Variants in GABRA5 observed in about 807,000 individuals in gnomAD.
The protein encoded by GABRA5 is gamma-aminobutyric acid receptor subunit alpha-5.
A neutral mutation model predicts 47.3 loss-of-function variants in GABRA5; 18 were observed. The observed-to-expected ratio is 0.38, with a 90% CI of 0.26 to 0.56. The LOEUF (loss-of-function observed/expected upper bound fraction) is 0.56, where lower values mean the gene tolerates loss of function less well. Ranked by LOEUF, GABRA5 falls within the 20% of genes least tolerant of loss-of-function variation. The pLI is 0.71. For synonymous variants in GABRA5, 237 were observed against 229.3 expected, an observed-to-expected ratio of 1.03 and a Z score of -0.30; for missense variants, 365 against 599.3, an observed-to-expected ratio of 0.61 and a Z score of 4.08.
At chr15:26,875,155 G>T (rs899068759) in intron 3 of GABRA5, among the ~76,000 whole-genome samples, 41 of 152,224 alleles carry the variant, frequency 2.7e-4, no homozygotes, top group African/African-American at 9.6e-4. Context: ...TGTGTCAGGG[G>T]AGGGTATGCT....
rs74006527 is a variant in GABRA5 at position 26,880,424 on chromosome 15, A to G, written c.87-422A>G. The G allele has an allele frequency of 7.9e-3, 1,210 of 154,054 alleles. 13 individuals carry two copies. The highest frequency in any genetic ancestry group is 0.027 in the African/African-American group (1,133 of 41,580). 9.5% of individuals were successfully genotyped at this position (154,054 alleles called of 1,614,324 possible). On this transcript the variant is annotated intron_variant, in intron 3 of 10. Coordinates refer to ENST00000335625, the MANE Select transcript of GABRA5 (RefSeq NM_000810.4). ...CGGAAAGTTTCTCAGCGTCCCCTCCATGCCCCAGCGCCCAGTGCAGGTGAC... is the reference window on the plus strand; with the variant it reads ...CGGAAAGTTTCTCAGCGTCCCCTCCGTGCCCCAGCGCCCAGTGCAGGTGAC...
At chr15:26,871,896 T>A (rs536592676) in intron 3 of GABRA5, among the ~76,000 whole-genome samples, 1 of 152,318 alleles carries the variant, frequency 6.6e-6, no homozygotes, top group East Asian at 1.9e-4. Context: ...TCTTAGGTAT[T>A]TGAGATTATT....
At position 26,882,624 on chromosome 15, in the gene GABRA5, G is replaced by C. The variant is rs549220212; in HGVS notation, c.209-542G>C. ...CATGATAGGGCTTTCTATAATAACA[G>C]TTCGAAACGCTACATAAAGAGAAGT... On this transcript the variant is annotated intron_variant, in intron 4 of 10. Transcript: ENST00000335625. 2.0e-5 allele frequency among the ~76,000 whole-genome samples: 3 copies of C among 152,254 alleles called. No homozygotes were observed. In the South Asian group the frequency reaches 6.2e-4, roughly 32 times the overall value.
intron 7 of GABRA5, among the ~76,000 whole-genome samples, chr15:26,922,445 G>T (rs919906604): frequency 3.3e-5 from 5 of 151,886 alleles, no homozygotes; most frequent in African/African-American, 1.2e-4. Flanking sequence ...TTTACTTTCA[G>T]CCTCTATATA....
chr15:26,943,530 G>GC, intron 10 of GABRA5, 104 bp downstream of exon 10: 1 of 994,648 alleles, frequency 1.0e-6, no homozygotes, highest in Non-Finnish European at 1.5e-6. Context: ...CTACCCGCCA[G>GC]CCCCCGAATG....
chr15:26,931,028 T>TG (rs1894094291), intron 7 of GABRA5, among the ~76,000 whole-genome samples: 1 of 151,788 alleles, frequency 6.6e-6, no homozygotes, highest in African/African-American at 2.4e-5. Context: ...CCTGAGTAGC[T>TG]GGGATTACAG....
intron 6 of GABRA5, among the ~76,000 whole-genome samples, chr15:26,904,282 G>A (rs1290605259): frequency 1.3e-5 from 2 of 152,008 alleles, no homozygotes; most frequent in Non-Finnish European, 2.9e-5. Context: ...TAGGTGTGTG[G>A]CCTTATTTCT....
chr15:26,910,037 T>TA (rs1272134084), intron 6 of GABRA5, among the ~76,000 whole-genome samples: 1 of 152,060 alleles, frequency 6.6e-6, no homozygotes, highest in Non-Finnish European at 1.5e-5. Context: ...TTTTTATACT[T>TA]ATCAATTATT....
At chr15:26,875,393 G>A (rs1448880662) in intron 3 of GABRA5, among the ~76,000 whole-genome samples, 3 of 152,244 alleles carry the variant, frequency 2.0e-5, no homozygotes, top group African/African-American at 7.2e-5. Flanking sequence ...GTACTGAGAT[G>A]CACAGAGCAG....
At chr15:26,932,336 C>T (rs977756745) in intron 7 of GABRA5, among the ~76,000 whole-genome samples, 16 of 152,108 alleles carry the variant, frequency 1.1e-4, no homozygotes, top group African/African-American at 3.9e-4. Flanking sequence ...CAAAAGAAGA[C>T]GTTTATGCAG....
At chr15:26,938,806 C>G (rs1393147470) in intron 8 of GABRA5, among the ~76,000 whole-genome samples, 1 of 152,224 alleles carries the variant, frequency 6.6e-6, no homozygotes, top group Non-Finnish European at 1.5e-5. Context: ...ATTTTTGCCA[C>G]ATGTGATTGC....
chr15:26,928,545 T>A (rs1300560925), intron 7 of GABRA5, among the ~76,000 whole-genome samples: 1 of 152,056 alleles, frequency 6.6e-6, no homozygotes, highest in Non-Finnish European at 1.5e-5. Context: ...ACGAGGTGAT[T>A]AGGACGTGAG....
chr15:26,867,804 G>T lies in GABRA5; in HGVS notation c.-140+693G>T, dbSNP rs1341371581. The T allele has an allele frequency of 1.3e-5, 2 of 152,078 alleles. No individual in the cohort carries two copies. The highest frequency in any genetic ancestry group is 2.9e-5 in the Non-Finnish European group (2 of 68,042). 9.4% of individuals were successfully genotyped at this position (152,078 alleles called of 1,614,324 possible). A position where few individuals can be genotyped will look rare whatever the true frequency, so the allele number is the denominator to read the frequency against. On this transcript the variant is annotated intron_variant, in intron 1 of 10. Coordinates refer to ENST00000335625, the MANE Select transcript of GABRA5 (RefSeq NM_000810.4). The surrounding 1 kb of genome is among the most constrained non-coding windows in gnomAD (Gnocchi z 5.9). Reference sequence around the variant, plus strand: ...CGGGGTGGACTCGGACCCCGCGGGGGTGTCGCGCGCGTGTCGCGCGGGCTG... The same window carrying T: ...CGGGGTGGACTCGGACCCCGCGGGGTTGTCGCGCGCGTGTCGCGCGGGCTG...
rs1256723672 is a variant in GABRA5 at position 26,911,257 on chromosome 15, C to CT, written c.498-3540dup. On this transcript the variant is annotated intron_variant, in intron 6 of 10. Coordinates refer to ENST00000335625, the MANE Select transcript of GABRA5 (RefSeq NM_000810.4). The stretch of plus-strand genomic sequence containing the variant: ...GAGATGGTAATTGTAGAAAAACTGT[C>CT]TTTTTTACATTTTTACTGGAGTTAT... Among the ~76,000 whole-genome samples the CT allele has an allele frequency of 7.2e-5, 11 of 151,928 alleles. No individual in the cohort carries two copies. The East Asian group carries it at 1.6e-3, about 21-fold the overall frequency.
At chr15:26,936,747 G>C (rs1241401193) in intron 7 of GABRA5, among the ~76,000 whole-genome samples, 1 of 152,208 alleles carries the variant, frequency 6.6e-6, no homozygotes, top group Non-Finnish European at 1.5e-5. Flanking sequence ...CTCTGTGCTT[G>C]TAAATCTCGA....
At chr15:26,900,223 G>A (rs9744406) in intron 6 of GABRA5, among the ~76,000 whole-genome samples, 2,489 of 152,084 alleles carry the variant, frequency 0.016, 70 homozygotes, top group African/African-American at 0.057. Flanking sequence ...CATAGTTTGT[G>A]TAACATAGAT....
chr15:26,889,768 T>C (rs1892961360), intron 6 of GABRA5, among the ~76,000 whole-genome samples: 1 of 152,240 alleles, frequency 6.6e-6, no homozygotes. Flanking sequence ...TTTAAAAATT[T>C]ATAAAACATA....
At chr15:26,935,709 T>C (rs549406165) in intron 7 of GABRA5, among the ~76,000 whole-genome samples, 7 of 152,298 alleles carry the variant, frequency 4.6e-5, no homozygotes, top group African/African-American at 1.7e-4. Flanking sequence ...TCCAGGCCTT[T>C]GCAGGAGGCC....
chr15:26,938,125 C>T (rs1894291435), intron 8 of GABRA5, among the ~76,000 whole-genome samples: 2 of 152,328 alleles, frequency 1.3e-5, no homozygotes, highest in East Asian at 1.9e-4. Flanking sequence ...GCACCCCTAC[C>T]GTTGCAGCTG....
Sources: allele counts gnomAD v4.1 joint callset (sites outside exome capture counted in the v4.1 genomes callset), GRCh38; gene constraint gnomAD v4.1.1; non-coding constraint Gnocchi (gnomAD v3.1); transcripts MANE v1.5; gene names NCBI Gene and HGNC (gene_info 2026-07-23, HGNC 2026-07-21).